Variants in TRHDE observed in about 807,000 individuals in gnomAD.
The protein encoded by TRHDE is thyrotropin-releasing hormone-degrading ectoenzyme.
A neutral mutation model predicts 125.7 loss-of-function variants in TRHDE; 72 were observed. The ratio of observed to expected loss-of-function variants is 0.57; its 90% CI spans 0.47 to 0.70. The LOEUF (loss-of-function observed/expected upper bound fraction) is 0.70, where lower values mean the gene tolerates loss of function less well. Among genes scored for constraint, TRHDE ranks in the 30% least tolerant of loss-of-function variants. The pLI, the probability that TRHDE is intolerant of heterozygous loss-of-function variation, is 0.00. For synonymous variants in TRHDE, 509 were observed against 509.1 expected (o/e 1.00, Z 0.00); for missense variants, 1,110 against 1,327.1 (o/e 0.84, Z 2.54).
chr12:72,467,769 C>G (rs547533296), intron 3 of TRHDE, among the ~76,000 whole-genome samples: 1 of 152,104 alleles, frequency 6.6e-6, no homozygotes, highest in Non-Finnish European at 1.5e-5. Context: ...GAGCCGAGAT[C>G]GCACCACTGC....
Position 72,273,381 on chromosome 12 carries a change from G to A in TRHDE, c.738G>A (p.Gly246=), listed in dbSNP as rs376667314. 6.2e-7 allele frequency: 1 copy of A among 1,614,060 alleles called. No individual in the cohort carries two copies. Among genetic ancestry groups the A allele is most frequent in the Non-Finnish European group, 8.5e-7 (1 of 1,180,040 alleles). The change falls in exon 1 of 19, where the codon GGG becomes GGA. Residue 246 remains glycine, a synonymous_variant. Transcript: ENST00000261180. This position sits in a 1 kb window ranked among gnomAD's most constrained non-coding sequence, Gnocchi z 5.3. ...KVQLAEDRAF[G]AVPVAGFFLY... ...AGCTGGCCGAGGACCGGGCGTTCGG[G>A]GCTGTCCCTGTAGCCGGTTTTTTCC...
intron 15 of TRHDE, among the ~76,000 whole-genome samples, chr12:72,630,192 A>G (rs989904148): frequency 6.6e-6 from 1 of 151,608 alleles, no homozygotes; most frequent in Non-Finnish European, 1.5e-5. Context: ...CCTAATCCCC[A>G]CATGTAAATG....
At chr12:72,289,464 G>T (rs1193685601) in intron 2 of TRHDE, among the ~76,000 whole-genome samples, 1 of 152,114 alleles carries the variant, frequency 6.6e-6, no homozygotes, top group Non-Finnish European at 1.5e-5. Context: ...GCCATGTTTT[G>T]TTTACCCATC....
chr12:72,567,507 A>G (rs1191693261), intron 9 of TRHDE, among the ~76,000 whole-genome samples: 1 of 151,960 alleles, frequency 6.6e-6, no homozygotes, highest in East Asian at 1.9e-4. Context: ...GTCAAATTTC[A>G]CACGACAGAG....
At chr12:72,287,077 T>A (rs1879917277) in intron 2 of TRHDE, 123 bp downstream of exon 2, 1 of 1,046,170 alleles carries the variant, frequency 9.6e-7, no homozygotes, top group Admixed American at 2.9e-5. Flanking sequence ...ATTCTTTCTT[T>A]AATTCTTATG....
rs764167978 is a variant in TRHDE at position 72,261,221 on chromosome 12, A to G, written n.280-116774A>G. Among the ~76,000 whole-genome samples the G allele has an allele frequency of 9.2e-5, 14 of 152,270 alleles. 1 individual carries two copies. The highest frequency in any genetic ancestry group is 1.9e-4 in the Non-Finnish European group (13 of 68,004). Reference sequence around the variant, plus strand: ...ACCAGTTGTATTTTCCCAGATCTTGATGGTACCGGACTGGACTCCAAAGGG... The same window carrying G: ...ACCAGTTGTATTTTCCCAGATCTTGGTGGTACCGGACTGGACTCCAAAGGG... On this transcript the variant is annotated intron_variant and non_coding_transcript_variant, in intron 2 of 4. Coordinates refer to the TRHDE transcript ENST00000548156.
chr12:72,322,551 G>A (rs1299661121), intron 2 of TRHDE, among the ~76,000 whole-genome samples: 1 of 151,992 alleles, frequency 6.6e-6, no homozygotes, highest in African/African-American at 2.4e-5. Context: ...TGTATTGATG[G>A]GTTGACAAAA....
At chr12:72,460,072 T>C (rs984747866) in intron 3 of TRHDE, among the ~76,000 whole-genome samples, 5 of 152,218 alleles carry the variant, frequency 3.3e-5, no homozygotes, top group African/African-American at 1.2e-4. Flanking sequence ...ATAGTATGTA[T>C]GCCTTTTGCT....
chr12:72,412,188 G>T (rs1448531940), intron 3 of TRHDE, among the ~76,000 whole-genome samples: 1 of 151,938 alleles, frequency 6.6e-6, no homozygotes, highest in African/African-American at 2.4e-5. Flanking sequence ...CAAATTACTT[G>T]GGGAAATTTT....
intron 7 of TRHDE, among the ~76,000 whole-genome samples, chr12:72,544,111 A>G (rs1330391851): frequency 6.6e-6 from 1 of 151,430 alleles, no homozygotes; most frequent in Non-Finnish European, 1.5e-5. Context: ...ATAGATCTGT[A>G]TCCTTCAGTA....
chr12:72,656,763 C>G (rs1874722609), intron 17 of TRHDE, among the ~76,000 whole-genome samples, 164 bp from the exon 18 acceptor site: 1 of 152,018 alleles, frequency 6.6e-6, no homozygotes, highest in Non-Finnish European at 1.5e-5. Flanking sequence ...ACTCTTTGTC[C>G]CTCCCTGACT....
chr12:72,195,261 C>T (rs1877418570), intron 2 of TRHDE, among the ~76,000 whole-genome samples: 1 of 152,086 alleles, frequency 6.6e-6, no homozygotes, highest in Non-Finnish European at 1.5e-5. Context: ...TGGGTGGGGA[C>T]ACAACCAAAC....
At chr12:72,229,058 A>G (rs184367016) in intron 2 of TRHDE, among the ~76,000 whole-genome samples, 11 of 151,946 alleles carry the variant, frequency 7.2e-5, no homozygotes, top group Non-Finnish European at 1.5e-4. Context: ...AACTGTTCCA[A>G]CCTCTGCCTG....
At chr12:72,247,475 C>T (rs1488063606) in intron 2 of TRHDE, among the ~76,000 whole-genome samples, 1 of 152,040 alleles carries the variant, frequency 6.6e-6, no homozygotes. Flanking sequence ...CAATGGCTCT[C>T]CATCTGTCTG....
intron 2 of TRHDE, among the ~76,000 whole-genome samples, chr12:72,325,540 A>G (rs1381200379): frequency 6.6e-6 from 1 of 152,196 alleles, no homozygotes; most frequent in Non-Finnish European, 1.5e-5. Flanking sequence ...CACCAACAAA[A>G]TAAGGGATTA....
chr12:72,098,027 A>G (rs1426971949), intron 1 of TRHDE, among the ~76,000 whole-genome samples: 1 of 152,002 alleles, frequency 6.6e-6, no homozygotes, highest in African/African-American at 2.4e-5. Flanking sequence ...TTTATTCACA[A>G]TACTTTATAT....
chr12:72,659,565 T>C (rs1874837357), intron 18 of TRHDE, among the ~76,000 whole-genome samples: 2 of 152,216 alleles, frequency 1.3e-5, no homozygotes, highest in Non-Finnish European at 2.9e-5. Context: ...GAGTATATTA[T>C]GTTTTACAAT....
intron 5 of TRHDE, 38 bp downstream of exon 5, chr12:72,473,218 G>T (rs763369853): frequency 1.3e-6 from 2 of 1,505,500 alleles, no homozygotes; most frequent in Non-Finnish European, 1.8e-6. Flanking sequence ...TTTAGTAAAA[G>T]GCCGATCTAG....
rs1440526480 is a variant in TRHDE, at chr12:72,666,987, C to G, written c.*3792C>G. On this transcript the variant is annotated 3_prime_UTR_variant, in exon 19 of 19. Coordinates refer to ENST00000261180, the MANE Select transcript of TRHDE (RefSeq NM_013381.3). ...ATCTGACAAATTCTGTCTATAGTAA[C>G]AGATGGTCAGAATGCAGATAAATTG... The G allele has an allele frequency of 1.3e-5, 2 of 151,898 alleles. No individual in the cohort carries two copies. Among genetic ancestry groups the G allele is most frequent in the Admixed American group, 6.6e-5 (1 of 15,218 alleles). The allele number at this position is 151,898 out of a possible 1,614,324, so 9.4% of individuals were successfully genotyped here. A position where few individuals can be genotyped will look rare whatever the true frequency, so the allele number is the denominator to read the frequency against.
Sources: gnomAD v4.1 joint callset for allele counts (sites outside exome capture counted in the v4.1 genomes callset) on GRCh38, gnomAD v4.1.1 for gene constraint, Gnocchi (gnomAD v3.1) non-coding constraint, MANE v1.5 for transcripts, NCBI Gene and HGNC (gene_info 2026-07-23, HGNC 2026-07-21) for gene names.